Variants in MEIS2 observed in about 807,000 individuals in gnomAD.
MEIS2 encodes the protein homeobox protein Meis2.
In MEIS2, 9 loss-of-function variants were observed where a neutral mutation model predicts 58.6. The ratio of observed to expected loss-of-function variants is 0.15; its 90% CI spans 0.09 to 0.27. MEIS2 has a LOEUF of 0.27. Ranked by LOEUF, MEIS2 falls within the 10% of genes least tolerant of loss-of-function variation. The probability of loss-of-function intolerance (pLI) is 1.00; values close to 1 mark genes in which losing one functional copy is unlikely to be tolerated. For missense variants in MEIS2, 427 were observed against 635.0 expected (o/e 0.67, Z 3.52); for synonymous variants, 221 against 228.4 (o/e 0.97, Z 0.29).
intron 9 of MEIS2, among the ~76,000 whole-genome samples, chr15:36,928,469 T>C (rs1231297682): frequency 6.6e-6 from 1 of 152,174 alleles, no homozygotes; most frequent in Non-Finnish European, 1.5e-5. Context: ...TAGTTAATAG[T>C]GAGGCCAGAT....
intron 7 of MEIS2, among the ~76,000 whole-genome samples, chr15:37,073,135 A>G (rs913340213): frequency 6.6e-6 from 1 of 152,100 alleles, no homozygotes; most frequent in Admixed American, 6.6e-5. Flanking sequence ...ACTATTAGTC[A>G]GTCACCAAAA....
At chr15:36,951,486 T>C (rs144059814) in intron 8 of MEIS2, among the ~76,000 whole-genome samples, 88 of 152,246 alleles carry the variant, frequency 5.8e-4, no homozygotes, top group African/African-American at 1.9e-3. Flanking sequence ...ATCATTCCAG[T>C]ATTTGAGAGA....
intron 11 of MEIS2, among the ~76,000 whole-genome samples, chr15:36,892,893 T>A (rs1377453044): frequency 6.6e-6 from 1 of 152,260 alleles, no homozygotes; most frequent in Non-Finnish European, 1.5e-5. Context: ...CATATCTATA[T>A]TTCCTCATGA....
rs182606392 is a variant in MEIS2 at position 37,060,198 on chromosome 15, C to G, written c.755-23239G>C. The stretch of plus-strand genomic sequence containing the variant: ...TCAAGTGATTCTCCCATCTCAGCCT[C>G]CCAAAGCACTGGGATTACAGGCATG... On this transcript the variant is annotated intron_variant, in intron 7 of 11. Transcript: ENST00000561208. Among the ~76,000 whole-genome samples the G allele has an allele frequency of 4.5e-3, 679 of 152,254 alleles. 5 individuals carry two copies. The highest frequency in any genetic ancestry group is 6.5e-3 in the Non-Finnish European group (442 of 68,010).
chr15:36,955,181 A>G (rs910432875), intron 8 of MEIS2, among the ~76,000 whole-genome samples: 3 of 152,168 alleles, frequency 2.0e-5, no homozygotes, highest in African/African-American at 7.2e-5. Context: ...TTCCTATGCT[A>G]TGAATAGAAT....
intron 7 of MEIS2, among the ~76,000 whole-genome samples, chr15:37,047,466 A>C (rs1192650333): frequency 6.6e-6 from 1 of 152,174 alleles, no homozygotes; most frequent in East Asian, 1.9e-4. Flanking sequence ...AGAGACCAAG[A>C]GAAGACCAAC....
At chr15:36,994,279 A>G (rs1172651839) in intron 8 of MEIS2, among the ~76,000 whole-genome samples, 1 of 152,194 alleles carries the variant, frequency 6.6e-6, no homozygotes, top group Admixed American at 6.5e-5. Flanking sequence ...AATAAATTAC[A>G]TAAAGGAGGA....
intron 8 of MEIS2, among the ~76,000 whole-genome samples, chr15:37,029,080 G>T (rs1416647981): frequency 6.6e-6 from 1 of 152,182 alleles, no homozygotes; most frequent in African/African-American, 2.4e-5. Context: ...GATGACACCA[G>T]TTCAGACGAT....
chr15:36,982,716 G>A (rs1567140925), intron 8 of MEIS2, among the ~76,000 whole-genome samples: 1 of 152,050 alleles, frequency 6.6e-6, no homozygotes, highest in South Asian at 2.1e-4. Context: ...TAATTTTTCT[G>A]AGGAACCTTC....
intron 7 of MEIS2, among the ~76,000 whole-genome samples, chr15:37,078,262 G>A (rs768642999): frequency 6.6e-6 from 1 of 151,976 alleles, no homozygotes; most frequent in Non-Finnish European, 1.5e-5. Flanking sequence ...GAGCCATAGA[G>A]TAACACTGGC....
intron 8 of MEIS2, among the ~76,000 whole-genome samples, chr15:37,020,504 C>T (rs866434452): frequency 2.0e-5 from 3 of 152,166 alleles, no homozygotes; most frequent in African/African-American, 7.2e-5. Context: ...CTCCCCACGC[C>T]TTCTTTGCTC....
At chr15:36,969,703 G>A (rs1271379298) in intron 8 of MEIS2, among the ~76,000 whole-genome samples, 2 of 152,140 alleles carry the variant, frequency 1.3e-5, no homozygotes, top group African/African-American at 4.8e-5. Flanking sequence ...GTACACAGGA[G>A]GAAGCACTAA....
At chr15:37,082,835 A>G (rs886115470) in intron 7 of MEIS2, among the ~76,000 whole-genome samples, 3 of 152,004 alleles carry the variant, frequency 2.0e-5, no homozygotes, top group Admixed American at 1.3e-4. Context: ...TTACATCAAC[A>G]CCCTCTTTTA....
chr15:36,930,199 T>G (rs2057915345), intron 9 of MEIS2, among the ~76,000 whole-genome samples: 1 of 112,902 alleles, frequency 8.9e-6, no homozygotes, highest in African/African-American at 3.6e-5. Context: ...TGAGACTCAG[T>G]CTTAAAAAAA....
chr15:37,037,482 C>T (rs2062207326), intron 7 of MEIS2, among the ~76,000 whole-genome samples: 1 of 152,064 alleles, frequency 6.6e-6, no homozygotes. Context: ...TGACCCTGCA[C>T]TCGGCATTTG....
intron 7 of MEIS2, among the ~76,000 whole-genome samples, chr15:37,080,396 G>A (rs1237613759): frequency 2.0e-5 from 3 of 151,938 alleles, no homozygotes; most frequent in African/African-American, 7.3e-5. Context: ...ATTCACATGC[G>A]TAACTCCCAT....
intron 7 of MEIS2, among the ~76,000 whole-genome samples, chr15:37,080,316 C>A (rs570254049): frequency 6.6e-6 from 1 of 152,270 alleles, no homozygotes; most frequent in African/African-American, 2.4e-5. Context: ...TTGTCAACAT[C>A]TCAATTACAG....
intron 7 of MEIS2, among the ~76,000 whole-genome samples, chr15:37,050,157 C>T (rs1406448180): frequency 3.3e-5 from 5 of 152,142 alleles, no homozygotes; most frequent in Admixed American, 2.6e-4. Flanking sequence ...CCAAGGCTTA[C>T]ATTAACACTC....
chr15:36,964,446 T>C (rs1745553419), intron 8 of MEIS2, among the ~76,000 whole-genome samples: 1 of 152,168 alleles, frequency 6.6e-6, no homozygotes, highest in South Asian at 2.1e-4. Flanking sequence ...ATTCTCAAAT[T>C]AGCAGTTAGA....
Sources: allele counts gnomAD v4.1 joint callset (sites outside exome capture counted in the v4.1 genomes callset), GRCh38; gene constraint gnomAD v4.1.1; transcripts MANE v1.5; gene names NCBI Gene and HGNC (gene_info 2026-07-23, HGNC 2026-07-21).